CMSS1: variants seen among roughly 807,000 people sequenced by gnomAD.
CMSS1 encodes the protein cms1 ribosomal small subunit homolog.
In CMSS1, 33 loss-of-function variants were observed where a neutral mutation model predicts 43.5. The observed-to-expected ratio is 0.76, with a 90% CI of 0.57 to 1.01. CMSS1 has a LOEUF of 1.01. Ranked by LOEUF, CMSS1 falls within the 50% of genes least tolerant of loss-of-function variation. CMSS1 has a pLI of 0.00. For missense variants in CMSS1, 313 were observed against 326.4 expected (o/e 0.96, Z 0.32); for synonymous variants, 115 against 117.2 (o/e 0.98, Z 0.12).
chr3:100,142,743 T>C (rs1482906429), intron 1 of CMSS1, among the ~76,000 whole-genome samples: 1 of 152,200 alleles, frequency 6.6e-6, no homozygotes, highest in African/African-American at 2.4e-5. Context: ...CAAAGGATTT[T>C]TATGATATGA....
intron 1 of CMSS1, among the ~76,000 whole-genome samples, chr3:100,095,134 T>C (rs1381176198): frequency 6.6e-6 from 1 of 152,178 alleles, no homozygotes; most frequent in Non-Finnish European, 1.5e-5. Flanking sequence ...TCTTGATTAC[T>C]ATAGTTAAAA....
chr3:99,821,327 A>G (rs1559645278), intron 1 of CMSS1, among the ~76,000 whole-genome samples: 1 of 152,182 alleles, frequency 6.6e-6, no homozygotes, highest in Non-Finnish European at 1.5e-5. Context: ...CAATCTAGAC[A>G]CTTTTGTGAG....
chr3:99,924,494 T>A, intron 1 of CMSS1: 3 of 1,347,340 alleles, frequency 2.2e-6, no homozygotes, highest in Admixed American at 4.3e-5. Flanking sequence ...CTGTTTTGAT[T>A]AATTCGGCAG....
intron 2 of CMSS1, among the ~76,000 whole-genome samples, chr3:100,153,469 G>A (rs536019547): frequency 3.9e-4 from 60 of 152,316 alleles, no homozygotes; most frequent in Non-Finnish European, 1.2e-4. Flanking sequence ...AGTTCTAAAA[G>A]CTAGAAGTCT....
chr3:100,166,319 TTTA>T lies in CMSS1; in HGVS notation c.356-11_356-9del. The T allele has an allele frequency of 6.5e-7, 1 of 1,547,872 alleles. No individual in the cohort carries two copies. The highest frequency in any genetic ancestry group is 8.9e-7 in the Non-Finnish European group (1 of 1,120,288). ...TTTACAAAATTATCTACAAAGCATG[TTTA>T]TTATATTTCTAGACTCCTGTTTCCT... is the stretch of plus-strand genomic sequence containing the variant. On this transcript the variant is annotated splice_polypyrimidine_tract_variant and intron_variant, in intron 4 of 9. Transcript: ENST00000421999.
intron 1 of CMSS1, among the ~76,000 whole-genome samples, chr3:100,061,549 A>C (rs6806178): frequency 0.21 from 32,097 of 152,222 alleles, 3,518 homozygotes; most frequent in South Asian, 0.26. Context: ...GAGAAAGAAG[A>C]TGGAACTTTT....
At chr3:100,077,118 G>A (rs1241713522) in intron 1 of CMSS1, among the ~76,000 whole-genome samples, 13 of 152,316 alleles carry the variant, frequency 8.5e-5, no homozygotes, top group Admixed American at 6.5e-4. Flanking sequence ...TGCATTTAGC[G>A]TCCTTTGAAA....
intron 1 of CMSS1, among the ~76,000 whole-genome samples, chr3:100,120,938 G>A (rs77480368): frequency 0.017 from 2,556 of 152,172 alleles, 31 homozygotes; most frequent in Non-Finnish European, 0.027. Flanking sequence ...GCTGCCCCGT[G>A]CCTTAAGGAC....
rs150862188 is a variant in CMSS1, at chr3:99,833,181, T to C, written c.64+15138T>C. 7.8e-4 allele frequency: 1,190 copies of C among 1,526,418 alleles called. 4 individuals carry two copies. The African/African-American group carries it at 0.015, about 19-fold the overall frequency. 94.6% of individuals were successfully genotyped at this position (1,526,418 alleles called of 1,614,324 possible). ...ATTTTTTAATAAATGCTTAACCCAG[T>C]TCAACATGAAGACTGGGATTTGGAA... On this transcript the variant is annotated intron_variant, in intron 1 of 9. Transcript: ENST00000421999.
chr3:100,035,534 A>G (rs2065093504), intron 1 of CMSS1, among the ~76,000 whole-genome samples: 1 of 152,172 alleles, frequency 6.6e-6, no homozygotes, highest in Non-Finnish European at 1.5e-5. Flanking sequence ...AAGTGCTGCA[A>G]TTACAGGCGT....
chr3:99,955,668 A>G (rs971606245), intron 1 of CMSS1, among the ~76,000 whole-genome samples: 1 of 152,102 alleles, frequency 6.6e-6, no homozygotes, highest in African/African-American at 2.4e-5. Context: ...TTTGATGATA[A>G]TGAAATAACT....
intron 1 of CMSS1, among the ~76,000 whole-genome samples, chr3:100,122,865 A>T (rs1041517164): frequency 2.0e-5 from 3 of 152,228 alleles, no homozygotes; most frequent in Non-Finnish European, 4.4e-5. Context: ...GTACAATAGT[A>T]TTTATGGTAG....
rs1336126225 is a variant in CMSS1, at chr3:100,124,006, G to A, written c.65-22967G>A. Among the ~76,000 whole-genome samples, 3 of 152,156 alleles carry A rather than the reference G, an allele frequency of 2.0e-5. No individual in the cohort carries two copies. The East Asian group carries it at 5.8e-4, about 29-fold the overall frequency. ...CACTGGGGTCCTCTTTACCTCCTATGTGGAGAGGATATATTTGTCAGGTGG... is the reference window on the plus strand; with the variant it reads ...CACTGGGGTCCTCTTTACCTCCTATATGGAGAGGATATATTTGTCAGGTGG... On this transcript the variant is annotated intron_variant, in intron 1 of 9. Coordinates refer to ENST00000421999, the MANE Select transcript of CMSS1 (RefSeq NM_032359.4).
intron 1 of CMSS1, among the ~76,000 whole-genome samples, chr3:100,029,610 A>G (rs1326866976): frequency 2.6e-5 from 4 of 152,190 alleles, no homozygotes; most frequent in Admixed American, 1.3e-4. Flanking sequence ...AAATAGTCTA[A>G]TCACTAAAAT....
intron 1 of CMSS1, chr3:99,847,903 C>A: frequency 2.1e-6 from 2 of 975,394 alleles, no homozygotes; most frequent in African/African-American, 1.8e-5. Flanking sequence ...ACAGAATGAC[C>A]AAAAGAAAAT....
intron 1 of CMSS1, among the ~76,000 whole-genome samples, chr3:100,028,334 T>C (rs2064964660): frequency 6.6e-6 from 1 of 152,150 alleles, no homozygotes; most frequent in South Asian, 2.1e-4. Context: ...GCCCTTAACC[T>C]TTACTACTTT....
chr3:100,020,744 A>C (rs1273949044), intron 1 of CMSS1, among the ~76,000 whole-genome samples: 1 of 150,454 alleles, frequency 6.6e-6, no homozygotes. Flanking sequence ...TTTTTTAGAA[A>C]GTAATGAATA....
At chr3:99,984,101 T>A (rs1709260391) in intron 1 of CMSS1, among the ~76,000 whole-genome samples, 1 of 105,646 alleles carries the variant, frequency 9.5e-6, no homozygotes, top group East Asian at 3.0e-4. Flanking sequence ...TAAAAGAATA[T>A]CAGGTGCTCA....
chr3:100,025,612 G>A (rs573880470), intron 1 of CMSS1: 3 of 152,130 alleles, frequency 2.0e-5, no homozygotes, highest in Non-Finnish European at 2.9e-5. Context: ...GAGCTTCCTG[G>A]TAGACAAAGT....
Sources: allele counts gnomAD v4.1 joint callset (sites outside exome capture counted in the v4.1 genomes callset), GRCh38; gene constraint gnomAD v4.1.1; transcripts MANE v1.5; gene names NCBI Gene and HGNC (gene_info 2026-07-23, HGNC 2026-07-21).